The following ANKS1B variants were observed in gnomAD, a reference collection of about 807,000 sequenced individuals.
ANKS1B encodes ankyrin repeat and sterile alpha motif domain containing 1B.
A neutral mutation model predicts 148.3 loss-of-function variants in ANKS1B; 36 were observed. The ratio of observed to expected loss-of-function variants is 0.24; its 90% CI spans 0.19 to 0.32. The LOEUF (loss-of-function observed/expected upper bound fraction) is 0.32, where lower values mean the gene tolerates loss of function less well. Among genes scored for constraint, ANKS1B ranks in the 10% least tolerant of loss-of-function variants. ANKS1B has a pLI of 1.00. For synonymous variants in ANKS1B, 542 were observed against 560.8 expected, an observed-to-expected ratio of 0.97 and a Z score of 0.47; for missense variants, 1,157 against 1,542.6, an observed-to-expected ratio of 0.75 and a Z score of 4.19.
At chr12:99,871,663 G>T (rs1266143903) in intron 1 of ANKS1B, among the ~76,000 whole-genome samples, 2 of 151,876 alleles carry the variant, frequency 1.3e-5, no homozygotes, top group East Asian at 3.9e-4. Flanking sequence ...TTTTGTTTTT[G>T]TGTGTGTAGC....
intron 17 of ANKS1B, among the ~76,000 whole-genome samples, chr12:99,002,012 T>C (rs981683207): frequency 6.6e-6 from 1 of 152,222 alleles, no homozygotes; most frequent in East Asian, 1.9e-4. Context: ...AATAAGATTT[T>C]CTTTTTATGC....
At chr12:99,844,005 T>C (rs1441907467) in intron 1 of ANKS1B, among the ~76,000 whole-genome samples, 1 of 152,202 alleles carries the variant, frequency 6.6e-6, no homozygotes, top group Admixed American at 6.5e-5. Context: ...TGATAGGTGA[T>C]GTTGAGCTTT....
chr12:99,609,111 T>C (rs1449230668), intron 9 of ANKS1B, among the ~76,000 whole-genome samples: 1 of 151,604 alleles, frequency 6.6e-6, no homozygotes, highest in Admixed American at 6.6e-5. Context: ...AGAAAAGGAG[T>C]TTCAGTTGAC....
chr12:99,474,387 T>C (rs1435559591), intron 10 of ANKS1B, among the ~76,000 whole-genome samples: 1 of 152,088 alleles, frequency 6.6e-6, no homozygotes, highest in African/African-American at 2.4e-5. Context: ...TCCCAGAAAA[T>C]TGTACATTTT....
At chr12:99,654,979 T>G in intron 9 of ANKS1B, 88 bp downstream of exon 9, 1 of 1,388,104 alleles carries the variant, frequency 7.2e-7, no homozygotes, top group South Asian at 1.6e-5. Flanking sequence ...AGATCCTAAT[T>G]TGATTTTCGA....
At chr12:99,712,815 T>G (rs2056815414) in intron 8 of ANKS1B, among the ~76,000 whole-genome samples, 1 of 152,186 alleles carries the variant, frequency 6.6e-6, no homozygotes, top group African/African-American at 2.4e-5. Context: ...CTGGGAAAAT[T>G]CTATCATGTT....
intron 12 of ANKS1B, among the ~76,000 whole-genome samples, chr12:99,323,150 G>A (rs2085630197): frequency 6.6e-6 from 1 of 152,148 alleles, no homozygotes; most frequent in Non-Finnish European, 1.5e-5. Context: ...TTCAACTGAA[G>A]GGTCAGCATA....
chr12:99,040,402 G>A (rs548698128), intron 17 of ANKS1B, among the ~76,000 whole-genome samples: 2 of 152,054 alleles, frequency 1.3e-5, no homozygotes, highest in Non-Finnish European at 2.9e-5. Flanking sequence ...AGAAGAAATG[G>A]AACTTCCTAA....
At chr12:99,216,617 C>T (rs1035799027) in intron 14 of ANKS1B, among the ~76,000 whole-genome samples, 2 of 152,100 alleles carry the variant, frequency 1.3e-5, no homozygotes. Flanking sequence ...ACCAACAGTA[C>T]AGGAAGTTTG....
At chr12:98,806,633 G>A (rs371273326) in intron 20 of ANKS1B, among the ~76,000 whole-genome samples, 31 of 152,140 alleles carry the variant, frequency 2.0e-4, no homozygotes, top group African/African-American at 5.8e-4. Context: ...ATATGCATAC[G>A]TATATTTGAA....
chr12:98,894,259 A>G (rs1374255247), intron 17 of ANKS1B, among the ~76,000 whole-genome samples: 1 of 152,178 alleles, frequency 6.6e-6, no homozygotes, highest in African/African-American at 2.4e-5. Flanking sequence ...TTTAATATTA[A>G]AGACAAACGA....
At chr12:99,040,191 A>G (rs1475193435) in intron 17 of ANKS1B, among the ~76,000 whole-genome samples, 2 of 151,956 alleles carry the variant, frequency 1.3e-5, no homozygotes, top group African/African-American at 2.4e-5. Flanking sequence ...GGAAGGCAAT[A>G]TTCCATTTTT....
chr12:99,101,976 T>G (rs2058054187), intron 15 of ANKS1B, among the ~76,000 whole-genome samples: 1 of 151,950 alleles, frequency 6.6e-6, no homozygotes, highest in South Asian at 2.1e-4. Flanking sequence ...AGGCTAATGT[T>G]GTAGATTTGG....
intron 1 of ANKS1B, among the ~76,000 whole-genome samples, chr12:99,885,402 G>T (rs998571917): frequency 3.4e-5 from 5 of 148,690 alleles, no homozygotes; most frequent in Non-Finnish European, 7.4e-5. Flanking sequence ...CCGGGTTCCT[G>T]CCATTCTCCT....
At chr12:99,012,317 A>T (rs2099939912) in intron 17 of ANKS1B, among the ~76,000 whole-genome samples, 1 of 152,236 alleles carries the variant, frequency 6.6e-6, no homozygotes, top group African/African-American at 2.4e-5. Flanking sequence ...GTCAAGGCAG[A>T]TTGAACTGAG....
At chr12:98,908,990 T>C (rs1839962630) in intron 17 of ANKS1B, among the ~76,000 whole-genome samples, 1 of 152,150 alleles carries the variant, frequency 6.6e-6, no homozygotes, top group Non-Finnish European at 1.5e-5. Flanking sequence ...GGAGAGGGGC[T>C]CAGTGTCTGT....
At chr12:99,476,743 C>T (rs1039010515) in intron 10 of ANKS1B, among the ~76,000 whole-genome samples, 10 of 152,026 alleles carry the variant, frequency 6.6e-5, no homozygotes, top group Non-Finnish European at 1.0e-4. Context: ...ACAAATTACC[C>T]CAAAACTTAA....
rs201360917 is a variant in ANKS1B, at chr12:98,846,911, CTT to C, written c.2779-14777_2779-14776del. On this transcript the variant is annotated intron_variant, in intron 17 of 26. Coordinates refer to ENST00000683438, the MANE Select transcript of ANKS1B (RefSeq NM_001352186.2). ...CACATTGTGTGAAAAAATGAAGTCT[CTT>C]TGTTTTTATTTTCTTAAACCACTTT... Among the ~76,000 whole-genome samples, 129 of 152,310 alleles carry C rather than the reference CTT, an allele frequency of 8.5e-4. 1 individual carries two copies. The East Asian group carries it at 0.023, about 27-fold the overall frequency.
intron 17 of ANKS1B, among the ~76,000 whole-genome samples, chr12:98,911,844 T>C (rs1478268049): frequency 6.6e-6 from 1 of 152,188 alleles, no homozygotes; most frequent in Non-Finnish European, 1.5e-5. Context: ...AATAAGCATA[T>C]AATCATGACC....
Sources: allele counts gnomAD v4.1 joint callset (sites outside exome capture counted in the v4.1 genomes callset), GRCh38; gene constraint gnomAD v4.1.1; transcripts MANE v1.5; gene names NCBI Gene and HGNC (gene_info 2026-07-23, HGNC 2026-07-21).